Variants in LUZP2 observed in about 807,000 individuals in gnomAD.
LUZP2 encodes leucine zipper protein 2.
In LUZP2, 52 loss-of-function variants were observed where a neutral mutation model predicts 51.6. That is an observed-to-expected ratio of 1.01 (90% CI 0.81 to 1.27). The LOEUF (loss-of-function observed/expected upper bound fraction) is 1.27, where lower values mean the gene tolerates loss of function less well. LUZP2 is among the 50% of genes most tolerant of loss of function. The pLI, the probability that LUZP2 is intolerant of heterozygous loss-of-function variation, is 0.00. For synonymous variants in LUZP2, 154 were observed against 137.3 expected (o/e 1.12, Z -0.85); for missense variants, 436 against 395.4 (o/e 1.10, Z -0.87).
chr11:24,769,641 A>T (rs1217947389), intron 5 of LUZP2, among the ~76,000 whole-genome samples: 1 of 150,484 alleles, frequency 6.6e-6, no homozygotes, highest in Admixed American at 6.6e-5. Flanking sequence ...GAAGGGAAAG[A>T]TGGAGGAGAT....
intron 7 of LUZP2, among the ~76,000 whole-genome samples, chr11:24,963,071 A>T (rs1044873253): frequency 2.0e-5 from 3 of 152,182 alleles, no homozygotes; most frequent in Non-Finnish European, 4.4e-5. Flanking sequence ...TGTTTGCAGA[A>T]CAGCGGTTTT....
At chr11:24,856,291 T>A (rs1246480324) in intron 5 of LUZP2, among the ~76,000 whole-genome samples, 2 of 152,068 alleles carry the variant, frequency 1.3e-5, no homozygotes, top group Non-Finnish European at 2.9e-5. Context: ...GAACAGACTT[T>A]TTCAAAGAAG....
intron 10 of LUZP2, among the ~76,000 whole-genome samples, chr11:25,050,340 C>T (rs374987562): frequency 2.5e-4 from 28 of 110,270 alleles, no homozygotes; most frequent in African/African-American, 3.8e-4. Flanking sequence ...CTTGGTCTGT[C>T]GCCCAGGCTG....
At chr11:24,816,006 TAA>T (rs137926397) in intron 5 of LUZP2, among the ~76,000 whole-genome samples, 67,818 of 139,042 alleles carry the variant, frequency 0.49, 15,670 homozygotes, top group South Asian at 0.56. Flanking sequence ...CTTTTTTTTT[TAA>T]AAAAAAAAAA....
At chr11:24,535,808 G>A (rs1851159645) in intron 1 of LUZP2, among the ~76,000 whole-genome samples, 1 of 151,578 alleles carries the variant, frequency 6.6e-6, no homozygotes, top group Non-Finnish European at 1.5e-5. Flanking sequence ...GTTCTTAATG[G>A]CATCCAGAAT....
chr11:24,972,411 A>G (rs1054163435), intron 7 of LUZP2, among the ~76,000 whole-genome samples: 9 of 152,098 alleles, frequency 5.9e-5, no homozygotes, highest in Non-Finnish European at 1.3e-4. Flanking sequence ...GTTAAGTACT[A>G]TTATTCATCT....
chr11:25,000,843 A>C (rs938407010), intron 9 of LUZP2, among the ~76,000 whole-genome samples: 2 of 152,136 alleles, frequency 1.3e-5, no homozygotes, highest in Non-Finnish European at 2.9e-5. Context: ...TAAAGAGTCT[A>C]TTTGGGATTG....
chr11:25,041,136 A>G (rs986450518), intron 9 of LUZP2, among the ~76,000 whole-genome samples: 2 of 152,106 alleles, frequency 1.3e-5, no homozygotes, highest in Non-Finnish European at 2.9e-5. Flanking sequence ...GGCACAGAAC[A>G]GTAGCTTTCC....
intron 1 of LUZP2, among the ~76,000 whole-genome samples, chr11:24,655,414 T>C (rs1855769523): frequency 6.6e-6 from 1 of 152,084 alleles, no homozygotes; most frequent in South Asian, 2.1e-4. Context: ...AGAGGTGCAG[T>C]GAATATTTTG....
intron 1 of LUZP2, among the ~76,000 whole-genome samples, chr11:24,566,535 C>T (rs1045563705): frequency 1.4e-5 from 2 of 145,188 alleles, no homozygotes; most frequent in Admixed American, 7.0e-5. Context: ...TATATGTATA[C>T]ACATATGTAT....
Position 24,552,446 on chromosome 11 carries a change from A to G in LUZP2, c.62+55141A>G, listed in dbSNP as rs74906509. On this transcript the variant is annotated intron_variant, in intron 1 of 11. Transcript: ENST00000336930. ...CCCACCATGATGCCTACTGTTTTAT[A>G]TAGTTTTAGAAGATAAAGTCAAAGC... Among the ~76,000 whole-genome samples, 541 of 152,134 alleles carry G rather than the reference A, an allele frequency of 3.6e-3. 23 individuals are homozygous for G. In the East Asian group the frequency reaches 0.077, roughly 22 times the overall value.
intron 1 of LUZP2, among the ~76,000 whole-genome samples, chr11:24,667,736 A>G (rs1292337492): frequency 6.6e-6 from 1 of 152,182 alleles, no homozygotes; most frequent in Non-Finnish European, 1.5e-5. Context: ...TATAAAATAT[A>G]CCATCTGGGT....
Position 24,630,673 on chromosome 11 carries a change from C to CTAT in LUZP2, c.63-98495_63-98494insATT, listed in dbSNP as rs375008402. Among the ~76,000 whole-genome samples the CTAT allele has an allele frequency of 6.8e-3, 901 of 131,654 alleles. 11 individuals are homozygous for CTAT. The highest frequency in any genetic ancestry group is 0.02 in the East Asian group (90 of 4,416). The allele number at this position is 131,654 out of a possible 152,430, so 86.4% of individuals were successfully genotyped here. ...CTTGTAATGGCTTTGGCTATTCCGA[C>CTAT]TTTTTTTTTTTTTTTTTTTGCTGTT... On this transcript the variant is annotated intron_variant, in intron 1 of 11. Coordinates refer to ENST00000336930, the MANE Select transcript of LUZP2 (RefSeq NM_001009909.4).
At chr11:24,838,426 TGGTACATGGAAAA>T (rs1244408189) in intron 5 of LUZP2, among the ~76,000 whole-genome samples, 2 of 151,656 alleles carry the variant, frequency 1.3e-5, no homozygotes, top group Non-Finnish European at 3.0e-5. Context: ...ATAGATTAGC[TGGTACATGGAAAA>T]GGTCTTCTGA....
chr11:24,619,094 T>A (rs369966442), intron 1 of LUZP2, among the ~76,000 whole-genome samples: 101 of 152,210 alleles, frequency 6.6e-4, no homozygotes, highest in African/African-American at 2.4e-3. Context: ...AATGGCATGA[T>A]CGTAGCTCAC....
intron 9 of LUZP2, among the ~76,000 whole-genome samples, chr11:24,991,976 T>A (rs753638564): frequency 9.2e-5 from 14 of 152,160 alleles, no homozygotes; most frequent in Non-Finnish European, 1.6e-4. Context: ...TAGTCCTTTG[T>A]CAGATTTATA....
At chr11:24,748,464 CTT>C (rs34396396) in intron 4 of LUZP2, among the ~76,000 whole-genome samples, 46 of 142,768 alleles carry the variant, frequency 3.2e-4, no homozygotes, top group Admixed American at 4.2e-4. Context: ...TGTTAACTTC[CTT>C]TTTTTTTTTT....
chr11:24,995,251 G>T lies in LUZP2; in HGVS notation c.765+11958G>T, dbSNP rs547136804. On this transcript the variant is annotated intron_variant, in intron 9 of 11. Transcript: ENST00000336930. ...CTACAGAAAATACAGAAATTAGCTG[G>T]GCGTGGTGGTACACGCCTGTAGTCC... Among the ~76,000 whole-genome samples, 125 of 152,076 alleles carry T rather than the reference G, an allele frequency of 8.2e-4. 1 individual carries two copies. Among genetic ancestry groups the T allele is most frequent in the African/African-American group, 2.9e-3 (121 of 41,470 alleles).
intron 5 of LUZP2, among the ~76,000 whole-genome samples, chr11:24,863,963 G>A (rs1476501881): frequency 6.6e-6 from 1 of 150,686 alleles, no homozygotes; most frequent in Non-Finnish European, 1.5e-5. Context: ...ATTATTTTCT[G>A]AATTTTTAAA....
Sources: gnomAD v4.1 joint callset for allele counts (sites outside exome capture counted in the v4.1 genomes callset) on GRCh38, gnomAD v4.1.1 for gene constraint, MANE v1.5 for transcripts, NCBI Gene and HGNC (gene_info 2026-07-23, HGNC 2026-07-21) for gene names.